The following CATSPERD variants were observed in gnomAD, a reference collection of about 807,000 sequenced individuals.
CATSPERD encodes the protein catsper channel auxiliary subunit delta, also known as cation channel sperm-associated auxiliary subunit delta.
In CATSPERD, 86 loss-of-function variants were observed where a neutral mutation model predicts 98.1. The observed-to-expected ratio is 0.88, with a 90% confidence interval of 0.74 to 1.05. The LOEUF is 1.05. Among genes scored for constraint, CATSPERD ranks in the 50% least tolerant of loss-of-function variants. The pLI is 0.00. For synonymous variants in CATSPERD, 394 were observed against 390.2 expected (o/e 1.01, Z -0.12); for missense variants, 995 against 1,005.7 (o/e 0.99, Z 0.14).
Position 5,778,257 on chromosome 19 carries a change from C to A in CATSPERD, c.2097-119C>A, listed in dbSNP as rs560190289. The A allele has an allele frequency of 4.9e-6, 4 of 822,586 alleles. No individual in the cohort carries two copies. The African/African-American group carries it at 6.9e-5, about 14-fold the overall frequency. 51.0% of individuals were successfully genotyped at this position (822,586 alleles called of 1,614,324 possible). On this transcript the variant is annotated intron_variant, in intron 21 of 21. Coordinates refer to ENST00000381624, the MANE Select transcript of CATSPERD (RefSeq NM_152784.4). ...TGGATGGAAACAGAAGTGGGTATAC[C>A]CGGTCACTGCTGTGGGCCTGGTTCT...
At chr19:5,759,891 C>T (rs2056401782) in intron 15 of CATSPERD, among the ~76,000 whole-genome samples, 1 of 151,752 alleles carries the variant, frequency 6.6e-6, no homozygotes, top group African/African-American at 2.4e-5. Flanking sequence ...GCCTGGCCAA[C>T]ATGGTGAAAC....
intron 1 of CATSPERD, among the ~76,000 whole-genome samples, chr19:5,721,050 G>T (rs1386247678): frequency 1.3e-5 from 2 of 148,942 alleles, no homozygotes; most frequent in African/African-American, 2.5e-5. Flanking sequence ...CCAGGCTGCA[G>T]TGCAGTGGCG....
chr19:5,739,344 T>C lies in CATSPERD; in HGVS notation c.478T>C (p.Phe160Leu). ...TTTATAGCATGTCAGTAATTTGGTTTTTGCATATTTCCGTGGAGATCAGAT... is the reference window on the plus strand; with the variant it reads ...TTTATAGCATGTCAGTAATTTGGTTCTTGCATATTTCCGTGGAGATCAGAT... The part of the protein sequence containing the change: ...LFCVHVSNLV[F>L]AYFRGDQISQ... The change falls in exon 7 of 22, where the codon TTT becomes CTT. Residue 160 changes from phenylalanine to leucine, a missense_variant. Physicochemically the swap from Phe to Leu is conservative, Grantham distance 22 (BLOSUM62 0). This residue lies in a region of CATSPERD where 228 missense variants were observed against 209.6 expected (regional missense o/e 1.09). Coordinates refer to ENST00000381624, the MANE Select transcript of CATSPERD (RefSeq NM_152784.4). 6.3e-7 allele frequency: 1 copy of C among 1,580,060 alleles called. No homozygotes were observed. Among genetic ancestry groups the C allele is most frequent in the East Asian group, 2.2e-5 (1 of 44,748 alleles).
intron 8 of CATSPERD, among the ~76,000 whole-genome samples, chr19:5,745,195 G>A (rs896182451): frequency 3.4e-4 from 52 of 151,250 alleles, no homozygotes; most frequent in African/African-American, 6.8e-4. Flanking sequence ...CCCACCCTCC[G>A]CCGCCGCGGC....
chr19:5,723,508 A>G (rs1256331684), intron 1 of CATSPERD, among the ~76,000 whole-genome samples: 2 of 125,288 alleles, frequency 1.6e-5, no homozygotes, highest in East Asian at 5.0e-4. Context: ...TCTGTTGCCC[A>G]GGCTGGAGTG....
At chr19:5,726,316 G>A (rs1163908080) in intron 2 of CATSPERD, among the ~76,000 whole-genome samples, 1 of 151,848 alleles carries the variant, frequency 6.6e-6, no homozygotes, top group Non-Finnish European at 1.5e-5. Context: ...TGCCCACCTC[G>A]GCCTCCCAAA....
At chr19:5,748,470 A>G in intron 10 of CATSPERD, among the ~76,000 whole-genome samples, 1 of 151,560 alleles carries the variant, frequency 6.6e-6, no homozygotes, top group African/African-American at 2.4e-5. Flanking sequence ...CTCTCTACTA[A>G]AAATACAAAA....
intron 1 of CATSPERD, among the ~76,000 whole-genome samples, chr19:5,721,713 A>C (rs1394187637): frequency 6.6e-6 from 1 of 151,504 alleles, no homozygotes; most frequent in African/African-American, 2.4e-5. Context: ...GGCTGGGTGC[A>C]GTGGCTCACG....
At chr19:5,758,465 C>T (rs1014787709) in intron 14 of CATSPERD, among the ~76,000 whole-genome samples, 11 of 151,578 alleles carry the variant, frequency 7.3e-5, no homozygotes, top group African/African-American at 2.2e-4. Context: ...CAGTGGCTCA[C>T]GCCTGGAATC....
intron 20 of CATSPERD, among the ~76,000 whole-genome samples, chr19:5,773,256 T>C (rs970560101): frequency 6.6e-6 from 1 of 152,056 alleles, no homozygotes; most frequent in Non-Finnish European, 1.5e-5. Flanking sequence ...GGAGAATCAC[T>C]TGAGCCTGGG....
intron 21 of CATSPERD, 149 bp from the exon 22 acceptor site, chr19:5,778,227 C>A: frequency 1.8e-6 from 1 of 551,008 alleles, no homozygotes; most frequent in Non-Finnish European, 3.1e-6. Flanking sequence ...AAAAAAAAGG[C>A]ATAGTGGATG....
At chr19:5,749,731 TC>T (rs1328259213) in intron 11 of CATSPERD, among the ~76,000 whole-genome samples, 1 of 151,900 alleles carries the variant, frequency 6.6e-6, no homozygotes, top group African/African-American at 2.4e-5. Context: ...AAGTCGTCTG[TC>T]CAGGCTCAAA....
At chr19:5,753,231 C>T (rs1347322147) in intron 12 of CATSPERD, among the ~76,000 whole-genome samples, 1 of 151,856 alleles carries the variant, frequency 6.6e-6, no homozygotes, top group Non-Finnish European at 1.5e-5. Context: ...GAGTGATGAT[C>T]TTCAGATGCA....
At chr19:5,752,849 G>A (rs917261125) in intron 12 of CATSPERD, among the ~76,000 whole-genome samples, 17 of 151,920 alleles carry the variant, frequency 1.1e-4, no homozygotes, top group East Asian at 1.9e-4. Context: ...CCAACATGGC[G>A]AAACCCCGTC....
At chr19:5,741,751 A>C (rs543279737) in intron 7 of CATSPERD, among the ~76,000 whole-genome samples, 124 of 112,734 alleles carry the variant, frequency 1.1e-3, no homozygotes, top group African/African-American at 4.0e-3. Context: ...GCGGTGCCTC[A>C]GCCTGTAATC....
At chr19:5,777,539 G>A (rs942760128) in intron 21 of CATSPERD, among the ~76,000 whole-genome samples, 1 of 152,186 alleles carries the variant, frequency 6.6e-6, no homozygotes, top group African/African-American at 2.4e-5. Flanking sequence ...GGAGAATAGG[G>A]ATCCTGGTGA....
At chr19:5,748,664 CA>C (rs1221151255) in intron 10 of CATSPERD, among the ~76,000 whole-genome samples, 1 of 136,254 alleles carries the variant, frequency 7.3e-6, no homozygotes, top group African/African-American at 2.7e-5. Flanking sequence ...GTATTTTTTT[CA>C]TATTGCTTGG....
At chr19:5,759,802 G>A (rs566641018) in intron 15 of CATSPERD, among the ~76,000 whole-genome samples, 2 of 151,978 alleles carry the variant, frequency 1.3e-5, no homozygotes, top group East Asian at 1.9e-4. Flanking sequence ...CGGGCCGGGC[G>A]CGGTGGCTCA....
chr19:5,772,352 C>G (rs192558256), intron 19 of CATSPERD: 1 of 245,044 alleles, frequency 4.1e-6, no homozygotes, highest in Admixed American at 5.2e-5. Flanking sequence ...CTCAGCCTCC[C>G]GAGTAGCTGG....
Sources: gnomAD v4.1 joint callset for allele counts (sites outside exome capture counted in the v4.1 genomes callset) on GRCh38, gnomAD v4.1.1 for gene constraint, gnomAD v4.1.1 regional missense constraint, MANE v1.5 for transcripts, NCBI Gene and HGNC (gene_info 2026-07-23, HGNC 2026-07-21) for gene names.